The following AFF1 variants were observed in gnomAD, a reference collection of about 807,000 sequenced individuals.
The protein encoded by AFF1 is ALF transcription elongation factor 1.
Under a neutral mutation model 121.7 loss-of-function variants are expected in AFF1, and 48 were observed. The observed-to-expected ratio is 0.39, with a 90% CI of 0.31 to 0.50. The LOEUF is 0.50. Ranked by LOEUF, AFF1 falls within the 20% of genes least tolerant of loss-of-function variation. The probability of loss-of-function intolerance (pLI) is 0.76; values close to 1 mark genes in which losing one functional copy is unlikely to be tolerated. For synonymous variants in AFF1, 613 were observed against 563.0 expected (o/e 1.09, Z -1.26); for missense variants, 1,523 against 1,511.7 (o/e 1.01, Z -0.12).
chr4:86,944,150 A>G (rs1030737869), intron 1 of AFF1, among the ~76,000 whole-genome samples: 2 of 151,414 alleles, frequency 1.3e-5, no homozygotes, highest in African/African-American at 4.9e-5. Flanking sequence ...TAAAAAAAAA[A>G]AAAAAAAAAA....
intron 2 of AFF1, among the ~76,000 whole-genome samples, chr4:86,971,681 ATCT>A (rs1722958786): frequency 6.6e-6 from 1 of 152,216 alleles, no homozygotes; most frequent in South Asian, 2.1e-4. Flanking sequence ...GCAATACTCT[ATCT>A]TTAAGGAGCT....
intron 4 of AFF1, among the ~76,000 whole-genome samples, chr4:87,073,003 T>C (rs1313955925): frequency 2.0e-5 from 3 of 151,772 alleles, no homozygotes; most frequent in Non-Finnish European, 4.4e-5. Context: ...CAAATTTATA[T>C]GCAGAGATAA....
At chr4:86,999,976 G>A (rs150500891) in intron 2 of AFF1, among the ~76,000 whole-genome samples, 81 of 152,262 alleles carry the variant, frequency 5.3e-4, no homozygotes, top group African/African-American at 1.9e-3. Flanking sequence ...AAGGGTGCTC[G>A]AAACACAAAA....
intron 2 of AFF1, among the ~76,000 whole-genome samples, chr4:87,034,271 G>T (rs75550773): frequency 0.21 from 31,313 of 152,118 alleles, 3,384 homozygotes; most frequent in East Asian, 0.32. Flanking sequence ...GGGAGGATAG[G>T]GGGAGGAAGG....
chr4:86,964,910 CA>C (rs150801932), intron 2 of AFF1, among the ~76,000 whole-genome samples: 5,674 of 152,200 alleles, frequency 0.037, 333 homozygotes, highest in African/African-American at 0.13. Context: ...TCTTTTATAC[CA>C]AAGACCTATT....
At chr4:86,935,801 GACTTA>G (rs10558187) in intron 1 of AFF1, 37,649 of 151,886 alleles carry the variant, frequency 0.25, 5,074 homozygotes, top group African/African-American at 0.37. Context: ...CACCTTCTGA[GACTTA>G]ACTTCAGGGA....
intron 2 of AFF1, among the ~76,000 whole-genome samples, chr4:86,981,382 T>C (rs1723744208): frequency 6.6e-6 from 1 of 152,046 alleles, no homozygotes; most frequent in Non-Finnish European, 1.5e-5. Context: ...TTTTCTTTAT[T>C]TTTGAGATGG....
intron 4 of AFF1, among the ~76,000 whole-genome samples, chr4:87,067,586 A>G (rs1421708456): frequency 6.6e-6 from 1 of 152,232 alleles, no homozygotes; most frequent in Non-Finnish European, 1.5e-5. Flanking sequence ...TGCTAAATGC[A>G]CAGAGTCAGG....
At chr4:87,058,941 T>A (rs1019102831) in intron 4 of AFF1, among the ~76,000 whole-genome samples, 1 of 152,156 alleles carries the variant, frequency 6.6e-6, no homozygotes, top group African/African-American at 2.4e-5. Flanking sequence ...ACTTGACATC[T>A]CTGTAGCATT....
At chr4:87,007,231 C>T (rs1726231242) in intron 2 of AFF1, 2 of 1,468,204 alleles carry the variant, frequency 1.4e-6, no homozygotes, top group Non-Finnish European at 1.8e-6. Context: ...CGGGCCGAGC[C>T]CGGGGCTGCG....
chr4:87,014,278 GTATC>G (rs1727092220), intron 2 of AFF1, among the ~76,000 whole-genome samples: 1 of 152,150 alleles, frequency 6.6e-6, no homozygotes, highest in Non-Finnish European at 1.5e-5. Flanking sequence ...TAACTGCTAA[GTATC>G]TCTCTCTCTA....
intron 1 of AFF1, among the ~76,000 whole-genome samples, chr4:86,946,514 G>C (rs1463130657): frequency 1.6e-5 from 2 of 126,802 alleles, no homozygotes; most frequent in Non-Finnish European, 3.1e-5. Flanking sequence ...AGCCTCTTAA[G>C]TAGAGTAGCT....
Position 87,094,903 on chromosome 4 carries a change from TCTCCCC to T in AFF1, c.1229-10_1229-5del. 1 of 1,612,636 alleles carries T rather than the reference TCTCCCC, an allele frequency of 6.2e-7. No homozygotes were observed. Among genetic ancestry groups the T allele is most frequent in the African/African-American group, 1.3e-5 (1 of 74,984 alleles). ...TGTCATTGTGCTGCTTTGATGTTTC[TCTCCCC>T]CACAGAACAATATGATACATCTTCA... On this transcript the variant is annotated splice_region_variant and splice_polypyrimidine_tract_variant and intron_variant, in intron 7 of 20. Transcript: ENST00000395146.
chr4:87,002,577 A>C (rs574499828), intron 2 of AFF1, among the ~76,000 whole-genome samples: 19 of 151,848 alleles, frequency 1.3e-4, no homozygotes, highest in African/African-American at 4.1e-4. Flanking sequence ...GACTACAGGC[A>C]CATGCCAGCA....
intron 2 of AFF1, among the ~76,000 whole-genome samples, chr4:86,969,879 C>CAAAATAAAAAAAAAAAAA (rs1722814533): frequency 1.6e-5 from 1 of 63,610 alleles, no homozygotes; most frequent in African/African-American, 5.4e-5. Flanking sequence ...GACTCCGTCT[C>CAAAATAAAAAAAAAAAAA]AAAAAAAAAA....
At position 87,105,073 on chromosome 4, in the gene AFF1, A is replaced by G. The variant is rs181629594; in HGVS notation, c.1284-555A>G. ...GTTGGGTGATGTTTGCCTTGATAGC[A>G]TCATACATCTTACTGTGTATTTAAT... is the stretch of plus-strand genomic sequence containing the variant. On this transcript the variant is annotated intron_variant, in intron 8 of 20. Coordinates refer to ENST00000395146, the MANE Select transcript of AFF1 (RefSeq NM_001166693.3). Among the ~76,000 whole-genome samples the G allele has an allele frequency of 5.9e-5, 9 of 152,354 alleles. No homozygotes were observed. In the East Asian group the frequency reaches 1.5e-3, roughly 26 times the overall value.
intron 2 of AFF1, among the ~76,000 whole-genome samples, chr4:87,036,569 T>C (rs924571137): frequency 6.6e-6 from 1 of 152,174 alleles, no homozygotes; most frequent in Non-Finnish European, 1.5e-5. Flanking sequence ...TCATGCTACT[T>C]TTCTGTTGGA....
intron 1 of AFF1, chr4:86,935,521 G>C (rs895740): frequency 0.93 from 141,423 of 152,384 alleles, 66,324 homozygotes; most frequent in Non-Finnish European, 1. Context: ...CCTCCCTCAC[G>C]CGCAGCCCCC....
At chr4:87,007,488 G>A in intron 2 of AFF1, 1 of 1,606,604 alleles carries the variant, frequency 6.2e-7, no homozygotes, top group Non-Finnish European at 8.5e-7. Flanking sequence ...AAGGTTGCGG[G>A]GGAGGGCAGG....
Sources: allele counts gnomAD v4.1 joint callset (sites outside exome capture counted in the v4.1 genomes callset), GRCh38; gene constraint gnomAD v4.1.1; transcripts MANE v1.5; gene names NCBI Gene and HGNC (gene_info 2026-07-23, HGNC 2026-07-21).